Variants in MANBA observed in about 807,000 individuals in gnomAD.
MANBA encodes beta-mannosidase.
Under a neutral mutation model 111.1 loss-of-function variants are expected in MANBA, and 83 were observed. That is an observed-to-expected ratio of 0.75 (90% CI 0.63 to 0.90). The LOEUF is 0.90. Among genes scored for constraint, MANBA ranks in the 40% least tolerant of loss-of-function variants. MANBA has a pLI of 0.00. For synonymous variants in MANBA, 370 were observed against 378.7 expected, an observed-to-expected ratio of 0.98 and a Z score of 0.27; for missense variants, 1,036 against 1,069.0, an observed-to-expected ratio of 0.97 and a Z score of 0.43.
chr4:102,633,184 G>A (rs1352928848), intron 16 of MANBA: 3 of 385,860 alleles, frequency 7.8e-6, no homozygotes, highest in Non-Finnish European at 9.0e-6. Context: ...TTAATAAAGC[G>A]TATCAGGTTG....
At chr4:102,722,679 A>G (rs900418529) in intron 4 of MANBA, 192 bp downstream of exon 4, 7 of 630,398 alleles carry the variant, frequency 1.1e-5, no homozygotes, top group Admixed American at 2.8e-5. Context: ...GAAAACTTAG[A>G]AAAAGATAAA....
chr4:102,673,430 C>A (rs1731581380), intron 8 of MANBA, among the ~76,000 whole-genome samples: 1 of 151,788 alleles, frequency 6.6e-6, no homozygotes, highest in Non-Finnish European at 1.5e-5. Context: ...ATCGCTTGAG[C>A]CTGGGAGGCG....
intron 5 of MANBA, among the ~76,000 whole-genome samples, chr4:102,713,943 C>T (rs1011555851): frequency 6.6e-6 from 1 of 151,702 alleles, no homozygotes; most frequent in African/African-American, 2.4e-5. Context: ...TTCTTTTGCC[C>T]TGTTTACCTT....
intron 7 of MANBA, 74 bp from the exon 8 acceptor site, chr4:102,674,144 CCT>C (rs1731620439): frequency 8.2e-7 from 1 of 1,215,616 alleles, no homozygotes; most frequent in African/African-American, 1.5e-5. Context: ...AAAAAGCAGA[CCT>C]TTTTGAAAAA....
intron 5 of MANBA, among the ~76,000 whole-genome samples, chr4:102,700,724 T>G (rs1408147096): frequency 6.6e-6 from 1 of 152,160 alleles, no homozygotes; most frequent in African/African-American, 2.4e-5. Flanking sequence ...GTCTGAGAGA[T>G]AGTTTGTTAT....
At chr4:102,728,439 T>C (rs554806609) in intron 1 of MANBA, 14 of 454,940 alleles carry the variant, frequency 3.1e-5, no homozygotes, top group Admixed American at 1.9e-4. Flanking sequence ...TGGATGCAGA[T>C]TGAAGAGAGG....
chr4:102,733,213 A>T (rs1723092399), intron 1 of MANBA, among the ~76,000 whole-genome samples: 1 of 152,218 alleles, frequency 6.6e-6, no homozygotes, highest in African/African-American at 2.4e-5. Flanking sequence ...AGACCAGATC[A>T]AACCAAAACA....
chr4:102,654,298 T>G lies in MANBA; in HGVS notation c.1704+3384A>C, dbSNP rs142577754. Among the ~76,000 whole-genome samples the G allele has an allele frequency of 2.0e-5, 3 of 152,180 alleles. No individual in the cohort carries two copies. In the East Asian group the frequency reaches 5.8e-4, roughly 30 times the overall value. On this transcript the variant is annotated intron_variant, in intron 12 of 16. Transcript: ENST00000647097. Reference sequence around the variant, plus strand: ...ATTCCCAAAAGATTAGCCCCACAATTTGGGAGCAATTAAAAAACGGGGTAT... The same window carrying G: ...ATTCCCAAAAGATTAGCCCCACAATGTGGGAGCAATTAAAAAACGGGGTAT...
chr4:102,674,666 T>TG (rs1230339722), intron 7 of MANBA, among the ~76,000 whole-genome samples: 7 of 152,356 alleles, frequency 4.6e-5, no homozygotes, highest in African/African-American at 1.7e-4. Flanking sequence ...CCACGCACTC[T>TG]GTGCTATTGG....
At chr4:102,742,214 C>A (rs947483377) in intron 1 of MANBA, among the ~76,000 whole-genome samples, 1 of 152,296 alleles carries the variant, frequency 6.6e-6, no homozygotes, top group Admixed American at 6.5e-5. Flanking sequence ...GCAATCTTAA[C>A]TTCTAGTTTA....
intron 7 of MANBA, among the ~76,000 whole-genome samples, chr4:102,686,432 A>C (rs1732220343): frequency 6.6e-6 from 1 of 152,100 alleles, no homozygotes; most frequent in African/African-American, 2.4e-5. Context: ...TCTGATCCCA[A>C]CTGGCCACCA....
intron 5 of MANBA, among the ~76,000 whole-genome samples, chr4:102,709,175 G>A (rs1721900645): frequency 6.6e-6 from 1 of 150,956 alleles, no homozygotes; most frequent in South Asian, 2.1e-4. Context: ...GAAAGGAAAG[G>A]AGGGAGAGAG....
Position 102,664,786 on chromosome 4 carries a change from G to C in MANBA, c.1384C>G (p.Leu462Val). ...WSGNNENEEALMMNWYHISFT... is the reference protein window; with the variant it reads ...WSGNNENEEAVMMNWYHISFT... ...CTGATATGATACCAATTCATCATCA[G>C]CGCCTCCTCATTTTCATTATTGCCA... Residue 462 changes from leucine to valine, a missense_variant, in exon 11 of 17, where the codon CTG (leucine) becomes GTG (valine). Coordinates refer to ENST00000647097, the MANE Select transcript of MANBA (RefSeq NM_005908.4). The C allele has an allele frequency of 6.2e-7, 1 of 1,610,232 alleles. No homozygotes were observed. The highest frequency in any genetic ancestry group is 8.5e-7 in the Non-Finnish European group (1 of 1,176,460).
At chr4:102,730,096 T>C (rs888955951) in intron 1 of MANBA, 5 of 984,758 alleles carry the variant, frequency 5.1e-6, no homozygotes, top group African/African-American at 1.6e-5. Flanking sequence ...GGCCCACTTG[T>C]GTAGGAGTGG....
Position 102,631,096 on chromosome 4 carries a change from T to C in MANBA, c.*961A>G, listed in dbSNP as rs13112557. The C allele has an allele frequency of 0.55, 82,517 of 149,920 alleles. 23,134 individuals are homozygous for C. Among genetic ancestry groups the C allele is most frequent in the African/African-American group, 0.64 (25,668 of 40,316 alleles). The allele number at this position is 149,920 out of a possible 1,614,324, so 9.3% of individuals were successfully genotyped here. A position where few individuals can be genotyped will look rare whatever the true frequency, so the allele number is the denominator to read the frequency against. The stretch of plus-strand genomic sequence containing the variant: ...CCAGCCCTAAGTCCCCTTATCCCCT[T>C]GATAAGGCTTTGTGTGTGTGTGTGT... On this transcript the variant is annotated 3_prime_UTR_variant, in exon 17 of 17. Coordinates refer to ENST00000647097, the MANE Select transcript of MANBA (RefSeq NM_005908.4).
intron 7 of MANBA, among the ~76,000 whole-genome samples, chr4:102,685,087 T>G (rs546778737): frequency 6.6e-6 from 1 of 152,120 alleles, no homozygotes; most frequent in Non-Finnish European, 1.5e-5. Flanking sequence ...AAAAGTAACC[T>G]AGTGATGGAT....
At chr4:102,701,462 CT>C (rs1733037913) in intron 5 of MANBA, among the ~76,000 whole-genome samples, 1 of 152,154 alleles carries the variant, frequency 6.6e-6, no homozygotes, top group Admixed American at 6.5e-5. Context: ...TCTCCATGGT[CT>C]TTACATTTTG....
intron 1 of MANBA, among the ~76,000 whole-genome samples, chr4:102,759,403 G>A (rs1724150101): frequency 6.6e-6 from 1 of 152,046 alleles, no homozygotes; most frequent in African/African-American, 2.4e-5. Flanking sequence ...GCAGATATAA[G>A]TGAAAACTCA....
At chr4:102,637,828 G>A (rs943649443) in intron 14 of MANBA, among the ~76,000 whole-genome samples, 6 of 152,178 alleles carry the variant, frequency 3.9e-5, no homozygotes, top group African/African-American at 1.4e-4. Context: ...AGCCATTCCA[G>A]CAAATTAAAC....
Sources: gnomAD v4.1 joint callset for allele counts (sites outside exome capture counted in the v4.1 genomes callset) on GRCh38, gnomAD v4.1.1 for gene constraint, MANE v1.5 for transcripts, NCBI Gene and HGNC (gene_info 2026-07-23, HGNC 2026-07-21) for gene names.